KCNIP4: variants seen among roughly 807,000 people sequenced by gnomAD.
KCNIP4 encodes Kv channel-interacting protein 4.
In KCNIP4, 12 loss-of-function variants were observed where a neutral mutation model predicts 34.0. That is an observed-to-expected ratio of 0.35 (90% CI 0.23 to 0.57). KCNIP4 has a LOEUF of 0.57. Among genes scored for constraint, KCNIP4 ranks in the 20% least tolerant of loss-of-function variants. The pLI is 0.83. For synonymous variants in KCNIP4, 124 were observed against 102.2 expected (o/e 1.21, Z -1.29); for missense variants, 238 against 311.7 (o/e 0.76, Z 1.78).
At chr4:20,767,589 C>T (rs1226187388) in intron 3 of KCNIP4, among the ~76,000 whole-genome samples, 1 of 152,134 alleles carries the variant, frequency 6.6e-6, no homozygotes, top group Non-Finnish European at 1.5e-5. Context: ...TTTCAGAGCT[C>T]TGTTGAAATG....
In KCNIP4 at chr4:20,816,448, C is replaced by T. The variant is rs201066149; in HGVS notation, c.288+34095G>A. ...TTCCAAAAAAGCAAGCTACGTAGGG[C>T]GCAGACTGCGGGCAAGACAAAAGAC... On this transcript the variant is annotated intron_variant, in intron 3 of 8. Transcript: ENST00000382152. 1.8e-4 allele frequency among the ~76,000 whole-genome samples: 28 copies of T among 152,132 alleles called. No homozygotes were observed. In the East Asian group the frequency reaches 3.5e-3, roughly 19 times the overall value.
chr4:20,822,545 C>G (rs974797719), intron 3 of KCNIP4, among the ~76,000 whole-genome samples: 1 of 152,100 alleles, frequency 6.6e-6, no homozygotes, highest in African/African-American at 2.4e-5. Context: ...GGTAGAACTA[C>G]CATTCAATCC....
intron 1 of KCNIP4, among the ~76,000 whole-genome samples, chr4:21,101,189 C>T (rs568694522): frequency 4.6e-5 from 7 of 152,210 alleles, no homozygotes; most frequent in African/African-American, 1.2e-4. Flanking sequence ...TGTTCAGCTC[C>T]CACTTATAAG....
chr4:21,580,961 C>T (rs1478601832), intron 1 of KCNIP4, among the ~76,000 whole-genome samples: 2 of 152,010 alleles, frequency 1.3e-5, no homozygotes, highest in African/African-American at 4.8e-5. Flanking sequence ...GTGCTGAGAG[C>T]TTATCCAGGA....
At chr4:21,003,917 A>G (rs1007678313) in intron 1 of KCNIP4, among the ~76,000 whole-genome samples, 2 of 152,190 alleles carry the variant, frequency 1.3e-5, no homozygotes, top group African/African-American at 4.8e-5. Context: ...AACGATTAGA[A>G]ATTCCATATT....
intron 1 of KCNIP4, among the ~76,000 whole-genome samples, chr4:21,148,430 C>A (rs1752538324): frequency 6.6e-6 from 1 of 152,160 alleles, no homozygotes; most frequent in South Asian, 2.1e-4. Context: ...TAACGCCACA[C>A]TTCTCATCCA....
intron 1 of KCNIP4, among the ~76,000 whole-genome samples, chr4:21,311,095 G>C (rs1296073275): frequency 6.6e-6 from 1 of 152,156 alleles, no homozygotes; most frequent in Non-Finnish European, 1.5e-5. Flanking sequence ...AAAGCACTTA[G>C]AACAGAGACT....
At chr4:20,794,072 C>T (rs1039381905) in intron 3 of KCNIP4, among the ~76,000 whole-genome samples, 2 of 152,184 alleles carry the variant, frequency 1.3e-5, no homozygotes, top group African/African-American at 4.8e-5. Flanking sequence ...CTGTTGTCAT[C>T]CATGTAAGAC....
rs186717657 is a variant in KCNIP4 at position 20,824,768 on chromosome 4, T to C, written c.288+25775A>G. Among the ~76,000 whole-genome samples the C allele has an allele frequency of 2.0e-5, 3 of 152,278 alleles. No individual in the cohort carries two copies. In the East Asian group the frequency reaches 5.8e-4, roughly 29 times the overall value. On this transcript the variant is annotated intron_variant, in intron 3 of 8. Coordinates refer to ENST00000382152, the MANE Select transcript of KCNIP4 (RefSeq NM_025221.6). ...GTATAATGACTTTGGAGATAGAATG[T>C]TTCAGAATAGGTAACATTAAAGGAT...
intron 1 of KCNIP4, among the ~76,000 whole-genome samples, chr4:20,936,318 T>C (rs774911602): frequency 2.0e-5 from 3 of 152,124 alleles, no homozygotes; most frequent in Non-Finnish European, 4.4e-5. Context: ...GGGGACTACC[T>C]AACACAACCA....
chr4:21,568,129 T>A (rs1386295160), intron 1 of KCNIP4, among the ~76,000 whole-genome samples: 1 of 152,120 alleles, frequency 6.6e-6, no homozygotes, highest in East Asian at 1.9e-4. Flanking sequence ...CAAATCGTAT[T>A]ATAATATGGT....
intron 1 of KCNIP4, among the ~76,000 whole-genome samples, chr4:21,128,418 T>C (rs1179449568): frequency 1.3e-5 from 2 of 152,134 alleles, no homozygotes; most frequent in African/African-American, 4.8e-5. Flanking sequence ...ATAAACCCCA[T>C]TCAGGAAAAA....
intron 2 of KCNIP4, among the ~76,000 whole-genome samples, chr4:20,862,266 G>C (rs1002694295): frequency 6.6e-6 from 1 of 152,062 alleles, no homozygotes; most frequent in Non-Finnish European, 1.5e-5. Flanking sequence ...TGGGATAACA[G>C]ACATCAGCCA....
At chr4:21,456,954 G>A (rs1003475982) in intron 1 of KCNIP4, among the ~76,000 whole-genome samples, 4 of 152,022 alleles carry the variant, frequency 2.6e-5, no homozygotes, top group Admixed American at 2.6e-4. Context: ...GCTATCTTGA[G>A]CTGTTTTCAC....
At chr4:21,581,734 C>T (rs1204937768) in intron 1 of KCNIP4, among the ~76,000 whole-genome samples, 4 of 151,898 alleles carry the variant, frequency 2.6e-5, no homozygotes, top group African/African-American at 9.7e-5. Context: ...GGTTCAGTCC[C>T]TCATCACTTC....
intron 1 of KCNIP4, among the ~76,000 whole-genome samples, chr4:21,856,617 G>A (rs1724775189): frequency 6.6e-6 from 1 of 152,122 alleles, no homozygotes; most frequent in Non-Finnish European, 1.5e-5. Context: ...CTTGGGGGCT[G>A]GAAGTAGGCA....
chr4:21,519,576 A>ATG (rs1210273501), intron 1 of KCNIP4, among the ~76,000 whole-genome samples: 2 of 29,422 alleles, frequency 6.8e-5, no homozygotes, highest in Non-Finnish European at 1.4e-4. Context: ...ATATACACAT[A>ATG]TGTGTGTGTA....
intron 1 of KCNIP4, among the ~76,000 whole-genome samples, chr4:21,816,086 T>C (rs773688245): frequency 6.6e-6 from 1 of 152,146 alleles, no homozygotes; most frequent in Non-Finnish European, 1.5e-5. Context: ...CTCTGGGACA[T>C]TTTTTCTTAT....
intron 1 of KCNIP4, among the ~76,000 whole-genome samples, chr4:21,921,244 T>A (rs576779416): frequency 4.7e-4 from 71 of 152,262 alleles, no homozygotes; most frequent in Non-Finnish European, 9.6e-4. Flanking sequence ...ATTTTTCTTC[T>A]CCATCTATGA....
Sources: allele counts gnomAD v4.1 joint callset (sites outside exome capture counted in the v4.1 genomes callset), GRCh38; gene constraint gnomAD v4.1.1; transcripts MANE v1.5; gene names NCBI Gene and HGNC (gene_info 2026-07-23, HGNC 2026-07-21).